Variants in ACSL6 observed in about 807,000 individuals in gnomAD.
ACSL6 encodes the protein acyl-CoA synthetase long chain family member 6, also known as long-chain-fatty-acid--CoA ligase 6.
A neutral mutation model predicts 98.2 loss-of-function variants in ACSL6; 47 were observed. The observed-to-expected ratio is 0.48, with a 90% confidence interval of 0.38 to 0.61. The LOEUF is 0.61. ACSL6 is among the 20% of genes least tolerant of loss of function. The pLI is 0.00. For missense variants in ACSL6, 761 were observed against 913.4 expected, an observed-to-expected ratio of 0.83 and a Z score of 2.15; for synonymous variants, 362 against 336.9, an observed-to-expected ratio of 1.07 and a Z score of -0.82.
At chr5:131,992,720 A>T (rs1376423237) in intron 2 of ACSL6, among the ~76,000 whole-genome samples, 2 of 152,062 alleles carry the variant, frequency 1.3e-5, no homozygotes, top group African/African-American at 2.4e-5. Flanking sequence ...CAAACTGGCC[A>T]TGTCTCTCCC....
At chr5:132,006,184 G>A (rs1204542699) in intron 1 of ACSL6, 1 of 152,230 alleles carries the variant, frequency 6.6e-6, no homozygotes, top group Non-Finnish European at 1.5e-5. Flanking sequence ...GGCAAATAGG[G>A]TCAGGTGAGA....
At chr5:131,988,454 C>A in intron 6 of ACSL6, 1 of 1,477,650 alleles carries the variant, frequency 6.8e-7, no homozygotes. Flanking sequence ...AGTCCAAGCT[C>A]CCCTTTGTTC....
Position 131,988,255 on chromosome 5 carries a change from C to T in ACSL6, c.653-29G>A, listed in dbSNP as rs1180644037. ...CAGGGGGCCATCAAGGAGAGTCAGG[C>T]CATGTGGGCCCAGGTCATGAGTGCA... On this transcript the variant is annotated intron_variant, in intron 6 of 20. Coordinates refer to ENST00000651883, the MANE Select transcript of ACSL6 (RefSeq NM_001009185.3). The T allele has an allele frequency of 2.5e-6, 4 of 1,610,178 alleles. No homozygotes were observed. In the South Asian group the frequency reaches 4.4e-5, roughly 18 times the overall value.
chr5:131,988,574 C>A, intron 6 of ACSL6: 2 of 1,612,894 alleles, frequency 1.2e-6, no homozygotes, highest in Non-Finnish European at 1.7e-6. Context: ...GAGGCTGTTG[C>A]AGAGGCTCCT....
At chr5:132,011,761 G>C, upstream of ACSL6, 1 of 1,309,252 alleles carries the variant, frequency 7.6e-7, no homozygotes, top group East Asian at 3.1e-5. This position sits in a 1 kb window ranked among gnomAD's most constrained non-coding sequence, Gnocchi z 5.4. Context: ...ACTCGCAACC[G>C]AGCCTTACTC....
chr5:131,973,166 G>A, intron 12 of ACSL6, 100 bp downstream of exon 12: 1 of 1,455,330 alleles, frequency 6.9e-7, no homozygotes, highest in Non-Finnish European at 9.3e-7. Flanking sequence ...CCAGGACTTG[G>A]CAGTGGAGGC....
At position 131,954,288 on chromosome 5, in the gene ACSL6, C is replaced by T. The variant is rs780708392; in HGVS notation, c.2115G>A (p.Glu705=). The part of the protein sequence containing the change: ...LTPTLKAKRP[E]LREYFKKQIE... ...TTTGTTTTTTGAAGTACTCTCTCAG[C>T]TCAGGTCTCTTAGCTTTTAGTGTTG... The change falls in exon 21 of 21, where the codon GAG becomes GAA. Residue 705 remains glutamate, a synonymous_variant. Coordinates refer to ENST00000651883, the MANE Select transcript of ACSL6 (RefSeq NM_001009185.3). The T allele has an allele frequency of 1.9e-6, 3 of 1,613,990 alleles. No homozygotes were observed. Among genetic ancestry groups the T allele is most frequent in the Non-Finnish European group, 8.5e-7 (1 of 1,179,968 alleles).
chr5:132,011,998 C>A, upstream of ACSL6: 1 of 1,491,720 alleles, frequency 6.7e-7, no homozygotes, highest in South Asian at 1.3e-5. The surrounding 1 kb of genome is among the most constrained non-coding windows in gnomAD (Gnocchi z 5.4). Context: ...CGCCGCCACC[C>A]ACCCCATCAA....
At chr5:131,994,003 G>A (rs748844993) in intron 2 of ACSL6, 28 bp downstream of exon 2, 9 of 1,605,474 alleles carry the variant, frequency 5.6e-6, no homozygotes, top group African/African-American at 1.3e-5. Flanking sequence ...CCTACTTTCC[G>A]CAGTGGAACG....
At chr5:131,999,485 GC>G (rs1754961951) in intron 1 of ACSL6, 1 of 152,164 alleles carries the variant, frequency 6.6e-6, no homozygotes, top group African/African-American at 2.4e-5. Flanking sequence ...CCTTTATAGG[GC>G]CTGTGGGGCC....
At chr5:131,969,832 C>A (rs768431625) in intron 15 of ACSL6, among the ~76,000 whole-genome samples, 1 of 152,156 alleles carries the variant, frequency 6.6e-6, no homozygotes, top group African/African-American at 2.4e-5. Flanking sequence ...GGAGATTCAT[C>A]CTTCAGGGCC....
chr5:131,989,343 T>C, intron 5 of ACSL6, 64 bp downstream of exon 5: 1 of 1,469,612 alleles, frequency 6.8e-7, no homozygotes, highest in South Asian at 1.2e-5. Context: ...AAAGCAGGAC[T>C]ATTCCATGGC....
chr5:132,011,469 A>G lies in ACSL6; in HGVS notation c.49+36T>C. 1 of 1,599,500 alleles carries G rather than the reference A, an allele frequency of 6.3e-7. No individual in the cohort carries two copies. Among genetic ancestry groups the G allele is most frequent in the Non-Finnish European group, 8.6e-7 (1 of 1,168,612 alleles). ...GCGAAGACCTCATAGCCTGCGGGAG[A>G]TGGGAGTCCGGGACGCGGACAGGAC... On this transcript the variant is annotated intron_variant, in intron 1 of 20. Coordinates refer to ENST00000651883, the MANE Select transcript of ACSL6 (RefSeq NM_001009185.3). The surrounding 1 kb of genome is among the most constrained non-coding windows in gnomAD (Gnocchi z 5.4).
intron 1 of ACSL6, among the ~76,000 whole-genome samples, chr5:132,008,917 G>T (rs1755563189): frequency 6.6e-6 from 1 of 152,194 alleles, no homozygotes; most frequent in Non-Finnish European, 1.5e-5. Flanking sequence ...TTTGCACAAA[G>T]GTGCTGTACA....
At chr5:132,011,714 G>T, upstream of ACSL6, 1 of 1,272,310 alleles carries the variant, frequency 7.9e-7, no homozygotes, top group Non-Finnish European at 9.9e-7. This position sits in a 1 kb window ranked among gnomAD's most constrained non-coding sequence, Gnocchi z 5.4. Context: ...TCCCCGCGCC[G>T]CTGCGGAGAC....
chr5:131,957,394 G>A (rs1752467708), intron 20 of ACSL6, among the ~76,000 whole-genome samples: 1 of 152,172 alleles, frequency 6.6e-6, no homozygotes, highest in African/African-American at 2.4e-5. Context: ...TCAAACAAAT[G>A]GTTAAATCAT....
intron 20 of ACSL6, among the ~76,000 whole-genome samples, chr5:131,954,932 G>T (rs1171464777): frequency 6.6e-6 from 1 of 152,148 alleles, no homozygotes; most frequent in Non-Finnish European, 1.5e-5. Context: ...AACTCTAAGT[G>T]GTTTCTTGTT....
At chr5:131,989,789 T>C (rs1754408097) in intron 4 of ACSL6, among the ~76,000 whole-genome samples, 1 of 152,096 alleles carries the variant, frequency 6.6e-6, no homozygotes, top group Admixed American at 6.5e-5. Flanking sequence ...AGACGGAGTT[T>C]CACTGCGTTG....
chr5:131,988,414 G>T, intron 6 of ACSL6, 188 bp from the exon 7 acceptor site: 1 of 1,308,416 alleles, frequency 7.6e-7, no homozygotes, highest in Non-Finnish European at 1.1e-6. Flanking sequence ...CGGAACCAAG[G>T]GCAGAAGGCC....
Sources: allele counts gnomAD v4.1 joint callset (sites outside exome capture counted in the v4.1 genomes callset), GRCh38; gene constraint gnomAD v4.1.1; non-coding constraint Gnocchi (gnomAD v3.1); transcripts MANE v1.5; gene names NCBI Gene and HGNC (gene_info 2026-07-23, HGNC 2026-07-21).